The following WIZ variants were observed in gnomAD, a reference collection of about 807,000 sequenced individuals.
The protein encoded by WIZ is WIZ zinc finger, also known as protein Wiz.
WIZ carries 25 observed loss-of-function variants against 140.2 expected under a neutral mutation model. The ratio of observed to expected loss-of-function variants is 0.18; its 90% confidence interval spans 0.13 to 0.25. The LOEUF (loss-of-function observed/expected upper bound fraction) is 0.25, where lower values mean the gene tolerates loss of function less well. WIZ is among the 10% of genes least tolerant of loss of function. The pLI is 1.00. For synonymous variants in WIZ, 1,125 were observed against 1,154.3 expected, an observed-to-expected ratio of 0.97 and a Z score of 0.51; for missense variants, 2,231 against 2,632.6, an observed-to-expected ratio of 0.85 and a Z score of 3.34.
chr19:15,433,559 C>G (rs564996176), intron 5 of WIZ, among the ~76,000 whole-genome samples: 1 of 152,316 alleles, frequency 6.6e-6, no homozygotes, highest in African/African-American at 2.4e-5. Context: ...TCATAGCTCT[C>G]CCTCCCAAGG....
At position 15,436,882 on chromosome 19, in the gene WIZ, G is replaced by A. The variant is rs369145311; in HGVS notation, c.2664C>T (p.Ser888=). ...CCGTGAGAGGTAAGCGGGGCCGACG[G>A]GAGGTCAGGAAGCTGCCAGGCGGAC... ...PGGPPGSFLT[S]RRPRLPLTVP... Residue 888 remains serine, a synonymous_variant, in exon 5 of 13, where the codon TCC becomes TCT. Transcript: ENST00000673675. 25 of 1,612,814 alleles carry A rather than the reference G, an allele frequency of 1.6e-5. No homozygotes were observed. Among genetic ancestry groups the A allele is most frequent in the Non-Finnish European group, 1.9e-5 (23 of 1,179,542 alleles).
chr19:15,445,453 G>A (rs927814214), intron 2 of WIZ, among the ~76,000 whole-genome samples: 3 of 152,152 alleles, frequency 2.0e-5, no homozygotes, highest in Non-Finnish European at 4.4e-5. Flanking sequence ...GAGAAGTGGC[G>A]GTGGAGGGGA....
At chr19:15,430,685 G>A (rs1327770402) in intron 6 of WIZ, among the ~76,000 whole-genome samples, 1 of 152,222 alleles carries the variant, frequency 6.6e-6, no homozygotes, top group Non-Finnish European at 1.5e-5. Flanking sequence ...AACAGACGAA[G>A]AAATGGTGTC....
At position 15,439,238 on chromosome 19, in the gene WIZ, C is replaced by T. The variant is rs1326953899; in HGVS notation, c.1756G>A (p.Ala586Thr). The change falls in exon 4 of 13, where the codon GCA becomes ACA. Residue 586 changes from alanine (A) to threonine (T), a missense_variant. Ala to Thr is a moderately conservative substitution (Grantham distance 58, BLOSUM62 0). This residue lies in a region of WIZ where 475 missense variants were observed against 520.2 expected (regional missense o/e 0.91). Transcript: ENST00000673675. The surrounding 1 kb of genome is among the most constrained non-coding windows in gnomAD (Gnocchi z 7.0). Reference sequence around the variant, plus strand: ...AGCTGTAAGGAGTAGGGGGTGGATGCTAGTGTGGAGGGAAAGGCCAGCCTT... The same window carrying T: ...AGCTGTAAGGAGTAGGGGGTGGATGTTAGTGTGGAGGGAAAGGCCAGCCTT... ...LGRLAFPSTL[A>T]STPYSLQLGR... is the part of the protein sequence containing the mutation. The T allele has an allele frequency of 1.3e-6, 2 of 1,535,354 alleles. No individual in the cohort carries two copies. The highest frequency in any genetic ancestry group is 1.7e-6 in the Non-Finnish European group (2 of 1,146,510).
chr19:15,424,226 ATGT>A lies in WIZ; in HGVS notation c.5464_5466del (p.Thr1822del). On this transcript the variant is annotated inframe_deletion, in exon 12 of 13. Transcript: ENST00000673675. The surrounding 1 kb of genome is among the most constrained non-coding windows in gnomAD (Gnocchi z 9.7). The stretch of plus-strand genomic sequence containing the variant: ...ATGTTGCCCACGAACTTGACAAGTG[ATGT>A]CTGGGGGGGCCGGGGCACCAGGGAG... 1.3e-6 allele frequency: 2 copies of A among 1,577,580 alleles called. No homozygotes were observed. Among genetic ancestry groups the A allele is most frequent in the Admixed American group, 1.9e-5 (1 of 52,120 alleles).
chr19:15,430,165 G>A (rs1969138943), intron 6 of WIZ, 76 bp from the exon 7 acceptor site: 2 of 1,438,210 alleles, frequency 1.4e-6, no homozygotes, highest in South Asian at 2.9e-5. Context: ...CCTCCCCTGA[G>A]AGTCCCACTC....
chr19:15,437,395 G>A (rs1387310912), intron 4 of WIZ, among the ~76,000 whole-genome samples: 1 of 152,202 alleles, frequency 6.6e-6, no homozygotes, highest in Non-Finnish European at 1.5e-5. Flanking sequence ...CAGGTGTGGT[G>A]GCTCACGCCT....
Position 15,438,672 on chromosome 19 carries a change from G to A in WIZ, c.2322C>T (p.Arg774=). 8 of 1,536,074 alleles carry A rather than the reference G, an allele frequency of 5.2e-6. No homozygotes were observed. The highest frequency in any genetic ancestry group is 1.7e-4 in the Middle Eastern group (1 of 5,990). The change falls in exon 4 of 13, where the codon CGC becomes CGT. Residue 774 remains arginine, a synonymous_variant. Transcript: ENST00000673675. The part of the protein sequence containing the change: ...LANHVRGHLN[R]VGVSYNVRHF... ...GGCGCACATTGTAGCTGACGCCCACGCGGTTCAGGTGGCCCCGGACGTGGT... is the reference window on the plus strand; with the variant it reads ...GGCGCACATTGTAGCTGACGCCCACACGGTTCAGGTGGCCCCGGACGTGGT...
intron 6 of WIZ, among the ~76,000 whole-genome samples, chr19:15,430,613 T>G (rs937415501): frequency 6.6e-5 from 10 of 152,146 alleles, no homozygotes; most frequent in African/African-American, 2.4e-4. Context: ...TTCATTTTGC[T>G]CCTCTCACCT....
rs919842062 is a variant in WIZ, at chr19:15,440,629, C to A, written c.365G>T (p.Arg122Leu). The A allele has an allele frequency of 1.3e-6, 2 of 1,531,988 alleles. No individual in the cohort carries two copies. Among genetic ancestry groups the A allele is most frequent in the Middle Eastern group, 1.7e-4 (1 of 5,988 alleles). 94.9% of individuals were successfully genotyped at this position (1,531,988 alleles called of 1,614,324 possible). A position where few individuals can be genotyped will look rare whatever the true frequency, so the allele number is the denominator to read the frequency against. Residue 122 changes from arginine to leucine, a missense_variant, in exon 4 of 13, where the codon CGG becomes CTG. By Grantham distance (102) the Arg-to-Leu change is moderately radical. Coordinates refer to ENST00000673675, the MANE Select transcript of WIZ (RefSeq NM_001371589.1). The surrounding 1 kb of genome is among the most constrained non-coding windows in gnomAD (Gnocchi z 6.2). ...GACAAGGGGGTGCTCCCAGGGCCCC[C>A]GGCCATCAGGGGTACCTGGGAAATG... ...LGHFPGTPDGRGPWEHPLVQE... is the reference protein window; with the variant it reads ...LGHFPGTPDGLGPWEHPLVQE...
At chr19:15,430,116 A>G (rs1476234691) in intron 6 of WIZ, 27 bp from the exon 7 acceptor site, 2 of 1,488,952 alleles carry the variant, frequency 1.3e-6, no homozygotes, top group Non-Finnish European at 1.8e-6. Flanking sequence ...AGGCCGGGAG[A>G]GCAGGCTGTG....
chr19:15,431,448 C>G (rs2145295671), intron 5 of WIZ, among the ~76,000 whole-genome samples: 1 of 152,326 alleles, frequency 6.6e-6, no homozygotes, highest in Non-Finnish European at 1.5e-5. Flanking sequence ...TGAGCCCAAA[C>G]TCCCATCCCA....
In WIZ at chr19:15,446,526, C is replaced by T. The variant is rs892089879; in HGVS notation, c.205+1577G>A. 2.6e-5 allele frequency among the ~76,000 whole-genome samples: 4 copies of T among 152,162 alleles called. No homozygotes were observed. The South Asian group carries it at 6.2e-4, about 24-fold the overall frequency. The stretch of plus-strand genomic sequence containing the variant: ...ACTCTGGAGTTGGGTGTACCCTCTG[C>T]CCTCAGGGGTCTCACCTTGCCACCC... On this transcript the variant is annotated intron_variant, in intron 2 of 12. Transcript: ENST00000673675.
Position 15,430,016 on chromosome 19 carries a change from G to A in WIZ, c.2985C>T (p.Arg995=), listed in dbSNP as rs1194219210. The A allele has an allele frequency of 2.0e-6, 3 of 1,535,968 alleles. No individual in the cohort carries two copies. The highest frequency in any genetic ancestry group is 4.9e-5 in the East Asian group (2 of 40,892). The part of the protein sequence containing the change: ...ETRKGLSSHA[R]SHLRQLGVAE... ...CCACTCCCAGCTGCCGCAGGTGGGA[G>A]CGCGCGTGGCTGGACAGGCCCTTTC... is the stretch of plus-strand genomic sequence containing the variant. The change falls in exon 7 of 13, where the codon CGC becomes CGT. Residue 995 remains arginine (R), a synonymous_variant. Coordinates refer to ENST00000673675, the MANE Select transcript of WIZ (RefSeq NM_001371589.1).
Position 15,428,302 on chromosome 19 carries a change from C to T in WIZ, c.3622G>A (p.Ala1208Thr), listed in dbSNP as rs1439468341. The change falls in exon 8 of 13, where the codon GCC becomes ACC. Residue 1208 changes from alanine (A) to threonine (T), a missense_variant. Around this residue, in one of 15 missense-constraint regions of WIZ, gnomAD observed 141 missense variants for 161.2 expected, o/e 0.87. Coordinates refer to ENST00000673675, the MANE Select transcript of WIZ (RefSeq NM_001371589.1). This position sits in a 1 kb window ranked among gnomAD's most constrained non-coding sequence, Gnocchi z 6.4. ...GGCGGCCGCCCCGGGTGGGCCAGGG[C>T]GCCGCGCCTGGGTGGGAGGCGGATC... is the stretch of plus-strand genomic sequence containing the variant. ...VQIRLPPRRGALAHPGRPPPT... is the reference protein window; with the variant it reads ...VQIRLPPRRGTLAHPGRPPPT... 1.5e-5 allele frequency: 23 copies of T among 1,531,736 alleles called. No homozygotes were observed. Among genetic ancestry groups the T allele is most frequent in the East Asian group, 4.9e-5 (2 of 40,798 alleles). The allele number at this position is 1,531,736 out of a possible 1,614,324, so 94.9% of individuals were successfully genotyped here.
Position 15,424,839 on chromosome 19 carries a change from G to A in WIZ, c.5088C>T (p.Gly1696=), listed in dbSNP as rs548577917. 1.5e-5 allele frequency: 24 copies of A among 1,610,716 alleles called. No homozygotes were observed. Among genetic ancestry groups the A allele is most frequent in the Non-Finnish European group, 1.8e-5 (21 of 1,179,258 alleles). ...GGAACTTCTTGGTGAAGGGGCGGCCGCCCTGGATGTAGCTGCGGTAGGCGC... is the reference window on the plus strand; with the variant it reads ...GGAACTTCTTGGTGAAGGGGCGGCCACCCTGGATGTAGCTGCGGTAGGCGC... ...KVGAYRSYIQ[G]GRPFTKKFRS... The change falls in exon 11 of 13, where the codon GGC becomes GGT. Residue 1696 remains glycine, a synonymous_variant. Transcript: ENST00000673675. The surrounding 1 kb of genome is among the most constrained non-coding windows in gnomAD (Gnocchi z 9.7).
At position 15,424,089 on chromosome 19, in the gene WIZ, C is replaced by A. The variant is rs1968549357; in HGVS notation, c.5510+94G>T. The A allele has an allele frequency of 1.6e-6, 2 of 1,237,188 alleles. No individual in the cohort carries two copies. The highest frequency in any genetic ancestry group is 3.5e-5 in the South Asian group (2 of 56,434). The allele number at this position is 1,237,188 out of a possible 1,614,324, so 76.6% of individuals were successfully genotyped here. On this transcript the variant is annotated intron_variant, in intron 12 of 12. Transcript: ENST00000673675. The surrounding 1 kb of genome is among the most constrained non-coding windows in gnomAD (Gnocchi z 9.7). ...CCAAGGGCAGCCACTGAGGCGACAC[C>A]TCCCAGCTTCCACCAAACCCTATCC... is the stretch of plus-strand genomic sequence containing the variant.
intron 12 of WIZ, 88 bp from the exon 13 acceptor site, chr19:15,423,323 T>G (rs1968494856): frequency 6.7e-7 from 1 of 1,494,042 alleles, no homozygotes. Flanking sequence ...GCACACCTGC[T>G]GCTACTCAGT....
chr19:15,438,974 G>C lies in WIZ; in HGVS notation c.2020C>G (p.Gln674Glu). Residue 674 changes from glutamine to glutamate, a missense_variant, in exon 4 of 13, where the codon CAG (glutamine) becomes GAG (glutamate). By Grantham distance (29) the Gln-to-Glu change is conservative. This residue lies in a region of WIZ where 475 missense variants were observed against 520.2 expected (regional missense o/e 0.91). Transcript: ENST00000673675. ...ALQAVEATQG[Q>E]QQQLRGMVPI... ...ACCATCCCTCGGAGCTGCTGCTGCT[G>C]CCCCTGGGTGGCCTCTACTGCCTGC... 1 of 1,457,840 alleles carries C rather than the reference G, an allele frequency of 6.9e-7. No homozygotes were observed. The allele number at this position is 1,457,840 out of a possible 1,614,324, so 90.3% of individuals were successfully genotyped here. A position where few individuals can be genotyped will look rare whatever the true frequency, so the allele number is the denominator to read the frequency against.
Sources: allele counts gnomAD v4.1 joint callset (sites outside exome capture counted in the v4.1 genomes callset), GRCh38; gene constraint gnomAD v4.1.1; regional missense constraint gnomAD v4.1.1; non-coding constraint Gnocchi (gnomAD v3.1); transcripts MANE v1.5; gene names NCBI Gene and HGNC (gene_info 2026-07-23, HGNC 2026-07-21).